HS3ST3A1: variants seen among roughly 807,000 people sequenced by gnomAD.
HS3ST3A1 encodes the protein heparan sulfate-glucosamine 3-sulfotransferase 3A1.
In HS3ST3A1, 19 loss-of-function variants were observed where a neutral mutation model predicts 25.7. The ratio of observed to expected loss-of-function variants is 0.74; its 90% CI spans 0.52 to 1.08. The LOEUF (loss-of-function observed/expected upper bound fraction) is 1.08. Among genes scored for constraint, HS3ST3A1 ranks in the 50% least tolerant of loss-of-function variants. The pLI is 0.00. For missense variants in HS3ST3A1, 459 were observed against 594.3 expected, an observed-to-expected ratio of 0.77 and a Z score of 2.37; for synonymous variants, 226 against 278.6, an observed-to-expected ratio of 0.81 and a Z score of 1.88.
chr17:13,501,999 T>C (rs1450660769), intron 1 of HS3ST3A1, among the ~76,000 whole-genome samples: 1 of 152,180 alleles, frequency 6.6e-6, no homozygotes, highest in African/African-American at 2.4e-5. Context: ...GGGGATTTCA[T>C]TTCCTTCCAT....
intron 1 of HS3ST3A1, among the ~76,000 whole-genome samples, chr17:13,545,747 C>T (rs532138523): frequency 2.0e-5 from 3 of 152,250 alleles, no homozygotes; most frequent in African/African-American, 2.4e-5. Flanking sequence ...GGGGCCGAGG[C>T]GCATGGATCA....
chr17:13,512,313 A>AC (rs1905895258), intron 1 of HS3ST3A1, among the ~76,000 whole-genome samples: 2 of 150,152 alleles, frequency 1.3e-5, no homozygotes, highest in Admixed American at 6.6e-5. Context: ...CTCAAAAAAA[A>AC]AAAAAAAAAA....
chr17:13,565,505 C>T (rs1294584352), intron 1 of HS3ST3A1, among the ~76,000 whole-genome samples: 1 of 152,086 alleles, frequency 6.6e-6, no homozygotes, highest in Non-Finnish European at 1.5e-5. Flanking sequence ...GCACTCCAGC[C>T]TGGGCTACAG....
At chr17:13,499,262 A>C (rs1905380903) in intron 1 of HS3ST3A1, among the ~76,000 whole-genome samples, 1 of 152,128 alleles carries the variant, frequency 6.6e-6, no homozygotes, top group Non-Finnish European at 1.5e-5. Context: ...CTTCTGTGGA[A>C]CTGAAAAGTT....
In HS3ST3A1 at chr17:13,496,023, T is replaced by G; in HGVS notation, c.*174A>C. 1 of 727,154 alleles carries G rather than the reference T, an allele frequency of 1.4e-6. No homozygotes were observed. The highest frequency in any genetic ancestry group is 2.1e-6 in the Non-Finnish European group (1 of 480,390). 45.0% of individuals were successfully genotyped at this position (727,154 alleles called of 1,614,324 possible). A position where few individuals can be genotyped will look rare whatever the true frequency, so the allele number is the denominator to read the frequency against. On this transcript the variant is annotated 3_prime_UTR_variant, in exon 2 of 2. Coordinates refer to ENST00000284110, the MANE Select transcript of HS3ST3A1 (RefSeq NM_006042.3). The stretch of plus-strand genomic sequence containing the variant: ...AATTTTCCTTTTCTGTTGATCCACG[T>G]GTTTGGTGTTGGTTATACATTAAGA...
intron 1 of HS3ST3A1, among the ~76,000 whole-genome samples, chr17:13,588,335 C>T (rs1284411943): frequency 1.3e-5 from 2 of 151,964 alleles, no homozygotes; most frequent in Non-Finnish European, 2.9e-5. Flanking sequence ...TCATTAAACT[C>T]ATAGTGAGTC....
At chr17:13,550,489 G>A (rs1354093860) in intron 1 of HS3ST3A1, among the ~76,000 whole-genome samples, 2 of 152,122 alleles carry the variant, frequency 1.3e-5, no homozygotes, top group Non-Finnish European at 1.5e-5. Context: ...GCCCCTGAGC[G>A]ATCTTAGAAG....
intron 1 of HS3ST3A1, among the ~76,000 whole-genome samples, chr17:13,508,170 G>C (rs1235623984): frequency 6.6e-6 from 1 of 152,144 alleles, no homozygotes; most frequent in East Asian, 1.9e-4. Flanking sequence ...GCCATTGATA[G>C]CAGACTCCTT....
chr17:13,497,990 C>G (rs1225816656), intron 1 of HS3ST3A1, among the ~76,000 whole-genome samples: 4 of 152,124 alleles, frequency 2.6e-5, no homozygotes, highest in Admixed American at 6.5e-5. Flanking sequence ...TCTGGGCTAA[C>G]TATATTTTGT....
intron 1 of HS3ST3A1, among the ~76,000 whole-genome samples, chr17:13,558,060 T>C (rs889290223): frequency 6.6e-6 from 1 of 152,188 alleles, no homozygotes; most frequent in Non-Finnish European, 1.5e-5. Context: ...AGGGAAAATA[T>C]GTATGACTCA....
intron 1 of HS3ST3A1, among the ~76,000 whole-genome samples, chr17:13,515,284 C>T (rs927469737): frequency 2.0e-5 from 3 of 152,074 alleles, no homozygotes; most frequent in Non-Finnish European, 4.4e-5. Context: ...CTCAGCTTCC[C>T]GAGTAGCTGG....
chr17:13,556,784 A>C lies in HS3ST3A1; in HGVS notation c.599+43747T>G, dbSNP rs1372692513. 2.7e-5 allele frequency among the ~76,000 whole-genome samples: 4 copies of C among 150,130 alleles called. No homozygotes were observed. The Admixed American group carries it at 2.7e-4, about 10-fold the overall frequency. On this transcript the variant is annotated intron_variant, in intron 1 of 1. Coordinates refer to ENST00000284110, the MANE Select transcript of HS3ST3A1 (RefSeq NM_006042.3). ...AGAGAATCGCTTGAAACCGGAAGGCAGAGGTTGCAGGGAGCAGAGATCGCG... is the reference window on the plus strand; with the variant it reads ...AGAGAATCGCTTGAAACCGGAAGGCCGAGGTTGCAGGGAGCAGAGATCGCG...
At chr17:13,505,423 A>G (rs1389783420) in intron 1 of HS3ST3A1, among the ~76,000 whole-genome samples, 1 of 152,176 alleles carries the variant, frequency 6.6e-6, no homozygotes, top group African/African-American at 2.4e-5. Flanking sequence ...CGTCAGTGAT[A>G]TATTAAATCT....
chr17:13,560,707 G>C (rs1452470400), intron 1 of HS3ST3A1, among the ~76,000 whole-genome samples: 1 of 152,058 alleles, frequency 6.6e-6, no homozygotes, highest in South Asian at 2.1e-4. Flanking sequence ...ATTAACTATT[G>C]CAATTCCATT....
rs373066807 is a variant in HS3ST3A1, at chr17:13,504,184, G to A, written c.600-7366C>T. The stretch of plus-strand genomic sequence containing the variant: ...AAAAATTAGCTGGGTGTGGTGGCGG[G>A]CACCTGTTACAAGTCCCAGCTACTC... On this transcript the variant is annotated intron_variant, in intron 1 of 1. Coordinates refer to ENST00000284110, the MANE Select transcript of HS3ST3A1 (RefSeq NM_006042.3). Among the ~76,000 whole-genome samples, 5 of 152,214 alleles carry A rather than the reference G, an allele frequency of 3.3e-5. No homozygotes were observed. In the East Asian group the frequency reaches 9.7e-4, roughly 29 times the overall value.
intron 1 of HS3ST3A1, among the ~76,000 whole-genome samples, chr17:13,551,933 T>C (rs1907257424): frequency 6.6e-6 from 1 of 152,238 alleles, no homozygotes; most frequent in African/African-American, 2.4e-5. Flanking sequence ...CTAAGCTGCA[T>C]GCTTTGTAAA....
At chr17:13,594,991 G>C (rs531900265) in intron 1 of HS3ST3A1, among the ~76,000 whole-genome samples, 122 of 152,270 alleles carry the variant, frequency 8.0e-4, no homozygotes, top group African/African-American at 2.5e-3. Flanking sequence ...CGGGCTGTTC[G>C]AGTCGGTGAA....
chr17:13,556,481 C>A (rs550987421), intron 1 of HS3ST3A1, among the ~76,000 whole-genome samples: 71 of 141,060 alleles, frequency 5.0e-4, no homozygotes, highest in African/African-American at 1.5e-3. Flanking sequence ...GCACTCCAGC[C>A]TAGGCGACAG....
chr17:13,572,338 G>A (rs1907838803), intron 1 of HS3ST3A1, among the ~76,000 whole-genome samples: 1 of 152,172 alleles, frequency 6.6e-6, no homozygotes, highest in Non-Finnish European at 1.5e-5. Context: ...AGGATCAAAG[G>A]TTGGGCTCCT....
Sources: allele counts gnomAD v4.1 joint callset (sites outside exome capture counted in the v4.1 genomes callset), GRCh38; gene constraint gnomAD v4.1.1; transcripts MANE v1.5; gene names NCBI Gene and HGNC (gene_info 2026-07-23, HGNC 2026-07-21).